CORO2B: variants seen among roughly 807,000 people sequenced by gnomAD.
CORO2B encodes coronin 2B.
A neutral mutation model predicts 58.8 loss-of-function variants in CORO2B; 26 were observed. The ratio of observed to expected loss-of-function variants is 0.44; its 90% confidence interval spans 0.32 to 0.61. CORO2B has a LOEUF of 0.61. Ranked by LOEUF, CORO2B falls within the 20% of genes least tolerant of loss-of-function variation. The pLI is 0.04. For synonymous variants in CORO2B, 242 were observed against 253.8 expected (o/e 0.95, Z 0.44); for missense variants, 460 against 645.1 (o/e 0.71, Z 3.11).
chr15:68,648,506 C>T (rs1317932737), intron 2 of CORO2B, among the ~76,000 whole-genome samples: 2 of 151,240 alleles, frequency 1.3e-5, no homozygotes, highest in African/African-American at 2.4e-5. Context: ...CAAAATTAGC[C>T]AGGTCTGGTG....
intron 1 of CORO2B, among the ~76,000 whole-genome samples, chr15:68,614,673 A>G (rs925547498): frequency 3.9e-5 from 6 of 152,038 alleles, no homozygotes; most frequent in African/African-American, 1.2e-4. Context: ...GCCTGGGAGG[A>G]TTTCAGGACT....
At chr15:68,542,840 G>C in the CORO2B span, among the ~76,000 whole-genome samples, 3 of 152,248 alleles carry the variant, frequency 2.0e-5, no homozygotes, top group Admixed American at 1.3e-4. Context: ...GGAGGGAGAT[G>C]GGAACCTTCT....
At chr15:68,585,154 A>T (rs1461410122) in intron 1 of CORO2B, among the ~76,000 whole-genome samples, 1 of 152,164 alleles carries the variant, frequency 6.6e-6, no homozygotes, top group Admixed American at 6.5e-5. Flanking sequence ...TACATGGGTT[A>T]CTTCCCTGAA....
At chr15:68,567,176 C>T in the CORO2B span, among the ~76,000 whole-genome samples, 2 of 152,186 alleles carry the variant, frequency 1.3e-5, no homozygotes, top group Non-Finnish European at 2.9e-5. Context: ...CTCCAACCCC[C>T]CTTCGGCTCT....
chr15:68,693,728 G>T (rs1256016156), intron 2 of CORO2B, among the ~76,000 whole-genome samples: 3 of 152,234 alleles, frequency 2.0e-5, no homozygotes, highest in Admixed American at 6.5e-5. Context: ...TACCAGACCT[G>T]TAAGGGGCTG....
At chr15:68,725,294 A>G (rs544726334) in intron 11 of CORO2B, among the ~76,000 whole-genome samples, 1 of 152,154 alleles carries the variant, frequency 6.6e-6, no homozygotes, top group African/African-American at 2.4e-5. Context: ...GTTTGAACCC[A>G]GGAGACAGAG....
At chr15:68,669,151 AAAAG>A (rs1381563738) in intron 2 of CORO2B, among the ~76,000 whole-genome samples, 2 of 151,432 alleles carry the variant, frequency 1.3e-5, no homozygotes, top group Non-Finnish European at 2.9e-5. Flanking sequence ...AGAAGAAAGA[AAAAG>A]AAAAGAAAGA....
At position 68,714,567 on chromosome 15, in the gene CORO2B, C is replaced by G. The variant is rs1892988539; in HGVS notation, c.774C>G (p.Leu258=). 3 of 1,613,754 alleles carry G rather than the reference C, an allele frequency of 1.9e-6. No homozygotes were observed. ...RQIALWDQED[L]SMPLIEEEID... The stretch of plus-strand genomic sequence containing the variant: ...CAGCTCTTCTCCCTCAGGAGGACCT[C>G]TCCATGCCCCTGATCGAAGAGGAAA... Residue 258 remains leucine, a synonymous_variant, in exon 7 of 12, where the codon CTC becomes CTG. Transcript: ENST00000261861.
chr15:68,675,979 TATAGA>T (rs59214666), intron 2 of CORO2B, among the ~76,000 whole-genome samples: 1,991 of 152,124 alleles, frequency 0.013, 38 homozygotes, highest in African/African-American at 0.046. Flanking sequence ...TGGAATAGAA[TATAGA>T]ATAGAATAGA....
At chr15:68,721,818 G>A (rs1596040728) in intron 11 of CORO2B, among the ~76,000 whole-genome samples, 1 of 152,120 alleles carries the variant, frequency 6.6e-6, no homozygotes, top group Non-Finnish European at 1.5e-5. Context: ...CACGATCATA[G>A]CTCACTATAA....
upstream of CORO2B, among the ~76,000 whole-genome samples, chr15:68,576,175 A>G (rs1275161904): frequency 1.4e-5 from 2 of 140,052 alleles, no homozygotes; most frequent in African/African-American, 5.3e-5. Context: ...AAAAAAAAAA[A>G]AGAAAGAAAG....
chr15:68,633,006 T>C (rs1339165627), intron 1 of CORO2B, among the ~76,000 whole-genome samples: 2 of 152,230 alleles, frequency 1.3e-5, no homozygotes, highest in Non-Finnish European at 2.9e-5. Context: ...CTCTCTGACC[T>C]CTTCTCCATC....
At chr15:68,670,082 A>C (rs1207698417) in intron 2 of CORO2B, among the ~76,000 whole-genome samples, 2 of 151,814 alleles carry the variant, frequency 1.3e-5, no homozygotes, top group Non-Finnish European at 2.9e-5. Context: ...GGGGAAAAAT[A>C]AAGAAAAATT....
At chr15:68,704,380 C>T (rs1234363765) in intron 3 of CORO2B, among the ~76,000 whole-genome samples, 1 of 151,954 alleles carries the variant, frequency 6.6e-6, no homozygotes. Context: ...TACATTTTAT[C>T]TTTACTTAGT....
At chr15:68,568,001 AGAGT>A in the CORO2B span, among the ~76,000 whole-genome samples, 1 of 152,214 alleles carries the variant, frequency 6.6e-6, no homozygotes, top group South Asian at 2.1e-4. Context: ...CCTGGGCAAC[AGAGT>A]GAGAGTCCAT....
chr15:68,523,552 G>A, the CORO2B span, among the ~76,000 whole-genome samples: 1 of 152,178 alleles, frequency 6.6e-6, no homozygotes, highest in Non-Finnish European at 1.5e-5. Flanking sequence ...ACTACCTTTT[G>A]TTTAGTTTCT....
intron 1 of CORO2B, among the ~76,000 whole-genome samples, chr15:68,624,668 A>G (rs1300799310): frequency 6.7e-5 from 10 of 149,852 alleles, no homozygotes; most frequent in African/African-American, 2.5e-4. Flanking sequence ...GGGGCTGGGC[A>G]TCTCTGTTTT....
chr15:68,654,966 G>T (rs537957154), intron 2 of CORO2B, among the ~76,000 whole-genome samples: 26 of 152,322 alleles, frequency 1.7e-4, no homozygotes, highest in African/African-American at 6.3e-4. Context: ...GCCTAAAGGG[G>T]TACAGGGATG....
chr15:68,668,231 C>T (rs948807529), intron 2 of CORO2B, among the ~76,000 whole-genome samples: 1 of 152,182 alleles, frequency 6.6e-6, no homozygotes, highest in African/African-American at 2.4e-5. Context: ...GGTCATCTGC[C>T]CCACAACGTG....
Sources: allele counts gnomAD v4.1 joint callset (sites outside exome capture counted in the v4.1 genomes callset), GRCh38; gene constraint gnomAD v4.1.1; transcripts MANE v1.5; gene names NCBI Gene and HGNC (gene_info 2026-07-23, HGNC 2026-07-21).